GLI3: variants seen among roughly 807,000 people sequenced by gnomAD.
GLI3 encodes the protein GLI family zinc finger 3.
In GLI3, 20 loss-of-function variants were observed where a neutral mutation model predicts 100.8. That is an observed-to-expected ratio of 0.20 (90% CI 0.14 to 0.29). GLI3 has a LOEUF of 0.29. GLI3 is among the 10% of genes least tolerant of loss of function. The pLI is 1.00. For synonymous variants in GLI3, 938 were observed against 860.5 expected, an observed-to-expected ratio of 1.09 and a Z score of -1.58; for missense variants, 2,040 against 2,128.5, an observed-to-expected ratio of 0.96 and a Z score of 0.82.
At chr7:42,035,811 CT>C (rs1789421949) in intron 7 of GLI3, among the ~76,000 whole-genome samples, 1 of 152,108 alleles carries the variant, frequency 6.6e-6, no homozygotes, top group Non-Finnish European at 1.5e-5. Flanking sequence ...CAACGTTAGC[CT>C]TAACTATGTA....
chr7:42,250,568 C>T (rs577878150), intron 1 of GLI3, among the ~76,000 whole-genome samples: 1 of 152,298 alleles, frequency 6.6e-6, no homozygotes, highest in African/African-American at 2.4e-5. Flanking sequence ...TGACCTCCAA[C>T]CAGCCAGAGC....
chr7:41,989,184 A>G (rs1256463920), intron 10 of GLI3, among the ~76,000 whole-genome samples: 2 of 152,242 alleles, frequency 1.3e-5, no homozygotes, highest in East Asian at 3.8e-4. Context: ...GTAAGGATTC[A>G]GTAGTATCTA....
chr7:42,206,303 T>C (rs1450414957), intron 2 of GLI3, among the ~76,000 whole-genome samples: 1 of 151,354 alleles, frequency 6.6e-6, no homozygotes, highest in Admixed American at 6.6e-5. Flanking sequence ...ATAATAATAA[T>C]AATAAATTCT....
At chr7:42,063,197 A>C (rs1444086296) in intron 4 of GLI3, among the ~76,000 whole-genome samples, 1 of 152,202 alleles carries the variant, frequency 6.6e-6, no homozygotes, top group African/African-American at 2.4e-5. Context: ...CATTCTTGCA[A>C]CTAGGTCCAT....
rs142195410 is a variant in GLI3, at chr7:42,123,227, G to A, written c.367+24999C>T. Among the ~76,000 whole-genome samples, 281 of 152,258 alleles carry A rather than the reference G, an allele frequency of 1.8e-3. 2 individuals carry two copies. Among genetic ancestry groups the A allele is most frequent in the African/African-American group, 6.5e-3 (272 of 41,558 alleles). ...TTAGTAACTCTATTTTCACATTTCC[G>A]GAGAGAGAATTACACTCAACCAACA... On this transcript the variant is annotated intron_variant, in intron 3 of 14. Coordinates refer to ENST00000395925, the MANE Select transcript of GLI3 (RefSeq NM_000168.6).
At chr7:42,122,988 T>C (rs554242143) in intron 3 of GLI3, among the ~76,000 whole-genome samples, 1 of 152,380 alleles carries the variant, frequency 6.6e-6, no homozygotes, top group South Asian at 2.1e-4. Context: ...TCAAACTTTT[T>C]ATTATATTCT....
intron 7 of GLI3, among the ~76,000 whole-genome samples, chr7:42,031,106 C>T (rs534445311): frequency 7.2e-5 from 11 of 152,132 alleles, no homozygotes; most frequent in Admixed American, 2.6e-4. Context: ...GCTTCCCATC[C>T]TCATAGCCTC....
In GLI3 at chr7:42,076,779, T is replaced by C. The variant is rs746037889; in HGVS notation, c.446A>G (p.Asp149Gly). Residue 149 changes from aspartate to glycine, a missense_variant, in exon 4 of 15, where the codon GAT becomes GGT. By Grantham distance (94) the Asp-to-Gly change is moderately conservative. Coordinates refer to ENST00000395925, the MANE Select transcript of GLI3 (RefSeq NM_000168.6). ...ARHHEGRYHY[D>G]PSPIPPLHMT... is the part of the protein sequence containing the mutation. The stretch of plus-strand genomic sequence containing the variant: ...ATGCAATGGAGGAATCGGAGATGGA[T>C]CGTAATGGTAACGGCCCTCATGATG... The C allele has an allele frequency of 6.2e-7, 1 of 1,607,960 alleles. No homozygotes were observed. Among genetic ancestry groups the C allele is most frequent in the Non-Finnish European group, 8.5e-7 (1 of 1,174,474 alleles).
upstream of GLI3, among the ~76,000 whole-genome samples, chr7:42,242,602 A>G (rs1282113940): frequency 2.0e-5 from 3 of 152,118 alleles, no homozygotes; most frequent in African/African-American, 7.2e-5. Flanking sequence ...CTCTTCCCTT[A>G]GGCAGAGCAA....
chr7:42,194,356 C>T (rs1482562336), intron 2 of GLI3, among the ~76,000 whole-genome samples: 2 of 152,188 alleles, frequency 1.3e-5, no homozygotes, highest in African/African-American at 2.4e-5. Context: ...TCTCAGTTAG[C>T]CAAGCTCCCA....
chr7:42,173,905 C>T (rs966360052), intron 2 of GLI3, among the ~76,000 whole-genome samples: 1 of 152,178 alleles, frequency 6.6e-6, no homozygotes, highest in Non-Finnish European at 1.5e-5. Context: ...TGACCACTGC[C>T]ACATGGCTTT....
intron 3 of GLI3, among the ~76,000 whole-genome samples, chr7:42,141,663 C>A (rs1269623373): frequency 6.6e-6 from 1 of 152,008 alleles, no homozygotes; most frequent in Non-Finnish European, 1.5e-5. Context: ...CAAAGCAAGA[C>A]TCCGCCTCAA....
rs79487327 is a variant in GLI3 at position 42,156,691 on chromosome 7, G to A, written c.125-8223C>T. ...AATGATCCTATCACTCTGGAGATCT[G>A]GCCCAGCCCCTGTGTGGCCAGAGGA... On this transcript the variant is annotated intron_variant, in intron 2 of 14. Coordinates refer to ENST00000395925, the MANE Select transcript of GLI3 (RefSeq NM_000168.6). 2.2e-3 allele frequency among the ~76,000 whole-genome samples: 332 copies of A among 152,300 alleles called. 1 individual carries two copies. The highest frequency in any genetic ancestry group is 4.4e-3 in the Non-Finnish European group (296 of 68,032).
Position 41,964,539 on chromosome 7 carries a change from C to T in GLI3, c.4534G>A (p.Asp1512Asn), listed in dbSNP as rs760962930. 6.2e-7 allele frequency: 1 copy of T among 1,613,836 alleles called. No homozygotes were observed. The highest frequency in any genetic ancestry group is 8.5e-7 in the Non-Finnish European group (1 of 1,179,716). ...VQIDFDAIIDDGDHSSLMSGA... is the reference protein window; with the variant it reads ...VQIDFDAIIDNGDHSSLMSGA... ...GACATCAGGCTGGAGTGGTCCCCAT[C>T]GTCTATGATGGCATCGAAGTCAATC... The change falls in exon 15 of 15, where the codon GAT (aspartate) becomes AAT (asparagine). Residue 1512 changes from aspartate to asparagine, a missense_variant. This residue lies in a region of GLI3 where 1,041 missense variants were observed against 924.0 expected (regional missense o/e 1.13). Coordinates refer to ENST00000395925, the MANE Select transcript of GLI3 (RefSeq NM_000168.6).
intron 3 of GLI3, among the ~76,000 whole-genome samples, chr7:42,102,875 C>A (rs1055359598): frequency 6.6e-5 from 10 of 152,100 alleles, no homozygotes; most frequent in African/African-American, 1.9e-4. Flanking sequence ...GTCACACTGG[C>A]GCAGAAATGC....
At chr7:42,251,808 C>A (rs559645775) in intron 1 of GLI3, among the ~76,000 whole-genome samples, 2 of 152,158 alleles carry the variant, frequency 1.3e-5, no homozygotes, top group East Asian at 1.9e-4. Flanking sequence ...GGCATTCTGG[C>A]TCCAGAGCCT....
Position 42,120,929 on chromosome 7 carries a change from A to G in GLI3, c.367+27297T>C, listed in dbSNP as rs1022342416. Among the ~76,000 whole-genome samples, 29 of 152,200 alleles carry G rather than the reference A, an allele frequency of 1.9e-4. 1 individual carries two copies. Among genetic ancestry groups the G allele is most frequent in the Non-Finnish European group, 3.7e-4 (25 of 68,036 alleles). On this transcript the variant is annotated intron_variant, in intron 3 of 14. Coordinates refer to ENST00000395925, the MANE Select transcript of GLI3 (RefSeq NM_000168.6). Reference sequence around the variant, plus strand: ...CTGAGTGCTAAATAGGCACATGTTCATGGGATATAAAATGACAGGCTCAGA... The same window carrying G: ...CTGAGTGCTAAATAGGCACATGTTCGTGGGATATAAAATGACAGGCTCAGA...
chr7:42,139,197 G>C (rs569653620), intron 3 of GLI3, among the ~76,000 whole-genome samples: 1 of 152,048 alleles, frequency 6.6e-6, no homozygotes, highest in South Asian at 2.1e-4. Flanking sequence ...TTTGAACACT[G>C]TAAGTGGAAA....
chr7:42,242,503 G>A (rs74569917), upstream of GLI3, among the ~76,000 whole-genome samples: 3,902 of 152,304 alleles, frequency 0.026, 76 homozygotes, highest in Non-Finnish European at 0.036. Context: ...CCACTAGAAT[G>A]TCTGTCCTTT....
Sources: allele counts gnomAD v4.1 joint callset (sites outside exome capture counted in the v4.1 genomes callset), GRCh38; gene constraint gnomAD v4.1.1; regional missense constraint gnomAD v4.1.1; transcripts MANE v1.5; gene names NCBI Gene and HGNC (gene_info 2026-07-23, HGNC 2026-07-21).